The following STARD13 variants were observed in gnomAD, a reference collection of about 807,000 sequenced individuals.
The protein encoded by STARD13 is stAR-related lipid transfer protein 13.
A neutral mutation model predicts 106.4 loss-of-function variants in STARD13; 62 were observed. The observed-to-expected ratio is 0.58, with a 90% CI of 0.48 to 0.72. The LOEUF (loss-of-function observed/expected upper bound fraction) is 0.72, where lower values mean the gene tolerates loss of function less well. STARD13 is among the 30% of genes least tolerant of loss of function. The pLI is 0.00. For synonymous variants in STARD13, 565 were observed against 553.0 expected (o/e 1.02, Z -0.31); for missense variants, 1,387 against 1,424.0 (o/e 0.97, Z 0.42).
intron 8 of STARD13, among the ~76,000 whole-genome samples, chr13:33,114,929 C>T (rs1016591101): frequency 4.6e-5 from 7 of 152,028 alleles, no homozygotes; most frequent in East Asian, 1.9e-4. Flanking sequence ...CATGCTGCTG[C>T]GGGTCCTGCC....
At chr13:33,615,527 T>G in the STARD13 span, among the ~76,000 whole-genome samples, 1 of 152,228 alleles carries the variant, frequency 6.6e-6, no homozygotes, top group African/African-American at 2.4e-5. Context: ...GCTCCCAGAA[T>G]AGCACAGAGC....
At chr13:33,496,402 C>T in the STARD13 span, among the ~76,000 whole-genome samples, 2 of 151,528 alleles carry the variant, frequency 1.3e-5, no homozygotes, top group African/African-American at 4.8e-5. Context: ...GTTACTATTA[C>T]TATTATTAAT....
chr13:33,477,746 C>T, the STARD13 span, among the ~76,000 whole-genome samples: 282 of 152,292 alleles, frequency 1.9e-3, 2 homozygotes, highest in African/African-American at 6.5e-3. Context: ...CCAGATTCCC[C>T]ATGACTGAGA....
the STARD13 span, among the ~76,000 whole-genome samples, chr13:33,438,294 G>A: frequency 5.9e-5 from 9 of 152,150 alleles, no homozygotes; most frequent in East Asian, 3.9e-4. Context: ...TTTCTGAAGC[G>A]AAACACGTTC....
At chr13:33,540,186 T>C in the STARD13 span, among the ~76,000 whole-genome samples, 11 of 152,322 alleles carry the variant, frequency 7.2e-5, no homozygotes, top group African/African-American at 2.2e-4. Context: ...AAATATATTA[T>C]GCACGAATTT....
At chr13:33,620,841 A>C in the STARD13 span, among the ~76,000 whole-genome samples, 7,906 of 151,244 alleles carry the variant, frequency 0.052, 387 homozygotes, top group East Asian at 0.17. Flanking sequence ...AGAAATGCCA[A>C]AAATAGTTGG....
intron 1 of STARD13, among the ~76,000 whole-genome samples, chr13:33,323,160 C>A (rs1248718612): frequency 6.6e-6 from 1 of 152,156 alleles, no homozygotes; most frequent in Non-Finnish European, 1.5e-5. Flanking sequence ...GTTAACAGTG[C>A]CTGCCAGCCT....
At chr13:33,310,377 T>C (rs1893084999) in intron 1 of STARD13, among the ~76,000 whole-genome samples, 1 of 152,224 alleles carries the variant, frequency 6.6e-6, no homozygotes, top group Non-Finnish European at 1.5e-5. Context: ...CCTTCTTCTT[T>C]ATAAGTGAAA....
At chr13:33,218,645 T>G (rs138697744) in intron 1 of STARD13, among the ~76,000 whole-genome samples, 89 of 152,358 alleles carry the variant, frequency 5.8e-4, no homozygotes, top group African/African-American at 1.9e-3. Flanking sequence ...GTCTGACTCA[T>G]AGGAACCTGT....
chr13:33,360,804 T>C, the STARD13 span, among the ~76,000 whole-genome samples: 1,099 of 142,174 alleles, frequency 7.7e-3, 13 homozygotes, highest in African/African-American at 0.025. Context: ...CTTTTCTTTT[T>C]TTTTTTTTTG....
chr13:33,194,198 A>C (rs980755624), intron 1 of STARD13, among the ~76,000 whole-genome samples: 4 of 152,212 alleles, frequency 2.6e-5, no homozygotes, highest in Non-Finnish European at 5.9e-5. Flanking sequence ...CACACGGAGA[A>C]GGCAATGAAC....
the STARD13 span, among the ~76,000 whole-genome samples, chr13:33,560,218 T>C: frequency 2.6e-5 from 4 of 151,616 alleles, no homozygotes; most frequent in Non-Finnish European, 2.9e-5. Context: ...AGCAGGACAT[T>C]AAATATTAGT....
the STARD13 span, among the ~76,000 whole-genome samples, chr13:33,377,200 T>C: frequency 2.0e-5 from 3 of 152,196 alleles, no homozygotes; most frequent in Admixed American, 6.5e-5. Context: ...CCATCAATAA[T>C]GAGTACATAT....
chr13:33,528,247 T>TATATATAC, the STARD13 span, among the ~76,000 whole-genome samples: 4 of 131,880 alleles, frequency 3.0e-5, no homozygotes, highest in African/African-American at 1.3e-4. Flanking sequence ...TATATACATA[T>TATATATAC]ATATATATAC....
intron 4 of STARD13, among the ~76,000 whole-genome samples, chr13:33,132,275 C>A (rs2764614): frequency 0.33 from 49,472 of 152,074 alleles, 8,779 homozygotes; most frequent in Non-Finnish European, 0.41. Flanking sequence ...CCATAATTCC[C>A]ATGTTTTGAT....
At chr13:33,338,121 T>A (rs1247349649) in intron 1 of STARD13, among the ~76,000 whole-genome samples, 4 of 152,202 alleles carry the variant, frequency 2.6e-5, no homozygotes, top group Non-Finnish European at 5.9e-5. Flanking sequence ...GTTGCTGGTA[T>A]AAGTTGCTAA....
At chr13:33,230,604 G>A (rs1289538989) in intron 1 of STARD13, among the ~76,000 whole-genome samples, 1 of 152,194 alleles carries the variant, frequency 6.6e-6, no homozygotes. Flanking sequence ...GTCAAGGGCT[G>A]CTTTCTGATG....
chr13:33,334,263 G>C (rs1487437203), intron 1 of STARD13, among the ~76,000 whole-genome samples: 1 of 152,184 alleles, frequency 6.6e-6, no homozygotes, highest in African/African-American at 2.4e-5. Flanking sequence ...GAGGGTGAAA[G>C]ACTTTTTTAT....
chr13:33,638,867 G>A, the STARD13 span, among the ~76,000 whole-genome samples: 1 of 152,088 alleles, frequency 6.6e-6, no homozygotes, highest in African/African-American at 2.4e-5. Context: ...GTTCAAAGCT[G>A]TTAGTTTTAA....
Sources: gnomAD v4.1 joint callset for allele counts (sites outside exome capture counted in the v4.1 genomes callset) on GRCh38, gnomAD v4.1.1 for gene constraint, MANE v1.5 for transcripts, NCBI Gene and HGNC (gene_info 2026-07-23, HGNC 2026-07-21) for gene names.